Variants in CBFA2T3 observed in about 807,000 individuals in gnomAD.
CBFA2T3 encodes the protein CBFA2/RUNX1 partner transcriptional co-repressor 3.
CBFA2T3 carries 31 observed loss-of-function variants against 58.6 expected under a neutral mutation model. The observed-to-expected ratio is 0.53, with a 90% CI of 0.40 to 0.71. The LOEUF (loss-of-function observed/expected upper bound fraction) is 0.71. Ranked by LOEUF, CBFA2T3 falls within the 30% of genes least tolerant of loss-of-function variation. The pLI, the probability that CBFA2T3 is intolerant of heterozygous loss-of-function variation, is 0.00. For missense variants in CBFA2T3, 1,076 were observed against 963.1 expected, an observed-to-expected ratio of 1.12 and a Z score of -1.55; for synonymous variants, 531 against 421.9, an observed-to-expected ratio of 1.26 and a Z score of -3.17.
At chr16:88,890,372 C>T (rs1239640809) in intron 5 of CBFA2T3, among the ~76,000 whole-genome samples, 2 of 152,220 alleles carry the variant, frequency 1.3e-5, no homozygotes, top group Non-Finnish European at 2.9e-5. Flanking sequence ...AGCATCTGGT[C>T]TGGTCTGTCC....
chr16:88,927,252 G>C lies in CBFA2T3; in HGVS notation c.152-25596C>G, dbSNP rs570717149. Among the ~76,000 whole-genome samples the C allele has an allele frequency of 2.6e-5, 4 of 152,152 alleles. No individual in the cohort carries two copies. In the South Asian group the frequency reaches 6.2e-4, roughly 24 times the overall value. ...GAGATGTCAGCGTCAAGGCCAGGTC[G>C]ACGTGACAAGCCGGGTCCCGCCCTG... On this transcript the variant is annotated intron_variant, in intron 1 of 11. Coordinates refer to ENST00000268679, the MANE Select transcript of CBFA2T3 (RefSeq NM_005187.6).
rs141341986 is a variant in CBFA2T3 at position 88,969,516 on chromosome 16, G to A, written c.151+7141C>T. Among the ~76,000 whole-genome samples the A allele has an allele frequency of 2.9e-3, 437 of 152,328 alleles. 3 individuals are homozygous for A. The highest frequency in any genetic ancestry group is 9.9e-3 in the African/African-American group (411 of 41,588). ...CCCCAGCCTTCAGGAGGGGCTCGCC[G>A]CCACCCCGTTTTACAAACAGGAGAC... On this transcript the variant is annotated intron_variant, in intron 1 of 11. Coordinates refer to ENST00000268679, the MANE Select transcript of CBFA2T3 (RefSeq NM_005187.6).
chr16:88,969,185 G>A (rs756513991), intron 1 of CBFA2T3, among the ~76,000 whole-genome samples: 4 of 152,294 alleles, frequency 2.6e-5, no homozygotes, highest in East Asian at 1.9e-4. Context: ...GGGCTGCAGC[G>A]GACACGGCTG....
chr16:88,928,305 G>A (rs1002056483), intron 1 of CBFA2T3, among the ~76,000 whole-genome samples: 1 of 152,190 alleles, frequency 6.6e-6, no homozygotes, highest in East Asian at 1.9e-4. Flanking sequence ...TTTCGGGGAC[G>A]CTCCCCTACT....
chr16:88,909,333 G>T (rs1051890061), intron 1 of CBFA2T3, among the ~76,000 whole-genome samples: 1 of 152,206 alleles, frequency 6.6e-6, no homozygotes, highest in African/African-American at 2.4e-5. Flanking sequence ...CTCAGGCTCC[G>T]GGCCCTGCAA....
rs1269134909 is a variant in CBFA2T3 at position 88,894,424 on chromosome 16, TACACATGCACACAATGTAC to T, written c.380-1958_380-1940del. Among the ~76,000 whole-genome samples the T allele has an allele frequency of 6.6e-5, 7 of 105,838 alleles. 1 individual carries two copies. Among genetic ancestry groups the T allele is most frequent in the Non-Finnish European group, 1.3e-4 (7 of 54,408 alleles). 69.4% of individuals were successfully genotyped at this position (105,838 alleles called of 152,430 possible). On this transcript the variant is annotated intron_variant, in intron 3 of 11. Coordinates refer to ENST00000268679, the MANE Select transcript of CBFA2T3 (RefSeq NM_005187.6). Reference sequence around the variant, plus strand: ...ACATGCACACACACATGCATACATATACACATGCACACAATGTACACACATGCACGCACACATGCATACA... The same window carrying T: ...ACATGCACACACACATGCATACATATACACATGCACGCACACATGCATACA...
intron 1 of CBFA2T3, among the ~76,000 whole-genome samples, chr16:88,948,562 G>A (rs1384508655): frequency 6.6e-6 from 1 of 152,234 alleles, no homozygotes; most frequent in Non-Finnish European, 1.5e-5. Flanking sequence ...GGGAGTCCGG[G>A]CTCCGGACAG....
intron 1 of CBFA2T3, among the ~76,000 whole-genome samples, chr16:88,919,277 T>C (rs1021142282): frequency 1.3e-5 from 2 of 152,074 alleles, no homozygotes; most frequent in Non-Finnish European, 1.5e-5. Flanking sequence ...GACACAGCAG[T>C]AGGTATAAAA....
intron 1 of CBFA2T3, among the ~76,000 whole-genome samples, chr16:88,947,259 A>C (rs764933283): frequency 6.6e-6 from 1 of 152,264 alleles, no homozygotes; most frequent in Non-Finnish European, 1.5e-5. Context: ...GCTAAAGAAT[A>C]AAATCTATTA....
intron 1 of CBFA2T3, among the ~76,000 whole-genome samples, chr16:88,942,322 G>C (rs990221970): frequency 1.3e-5 from 2 of 152,180 alleles, no homozygotes; most frequent in Non-Finnish European, 2.9e-5. Context: ...AGACACAAGC[G>C]GCTGGGGGGC....
intron 5 of CBFA2T3, among the ~76,000 whole-genome samples, chr16:88,891,425 G>A (rs959323071): frequency 2.0e-5 from 3 of 152,204 alleles, no homozygotes; most frequent in African/African-American, 7.2e-5. Flanking sequence ...GAGAGTGGCT[G>A]TGGACCGAAC....
chr16:88,928,953 C>T (rs904740338), intron 1 of CBFA2T3, among the ~76,000 whole-genome samples: 21 of 152,244 alleles, frequency 1.4e-4, no homozygotes, highest in East Asian at 3.9e-4. Context: ...AGCAGCAAGG[C>T]GGAGCAGAGT....
chr16:88,966,327 C>T (rs1172086617), intron 1 of CBFA2T3, among the ~76,000 whole-genome samples: 1 of 152,230 alleles, frequency 6.6e-6, no homozygotes, highest in Non-Finnish European at 1.5e-5. Flanking sequence ...AGGAGTGAGG[C>T]CTGTGCCGGG....
intron 1 of CBFA2T3, among the ~76,000 whole-genome samples, chr16:88,908,942 A>T (rs990817849): frequency 3.9e-5 from 6 of 152,142 alleles, no homozygotes; most frequent in Non-Finnish European, 8.8e-5. Flanking sequence ...AGGTGGGGAA[A>T]CTGAGGCACG....
chr16:88,910,055 C>T (rs1970479468), intron 1 of CBFA2T3, among the ~76,000 whole-genome samples: 1 of 152,246 alleles, frequency 6.6e-6, no homozygotes, highest in South Asian at 2.1e-4. Flanking sequence ...CGCTTGGTGC[C>T]TGGCTGTCCC....
intron 1 of CBFA2T3, among the ~76,000 whole-genome samples, chr16:88,909,953 C>T (rs1050223763): frequency 5.9e-5 from 9 of 152,328 alleles, no homozygotes; most frequent in African/African-American, 1.7e-4. Flanking sequence ...GGACGAGCCA[C>T]CCTCCAACAC....
chr16:88,879,333 C>G lies in CBFA2T3; in HGVS notation c.1599G>C (p.Glu533Asp). 2 of 1,611,726 alleles carry G rather than the reference C, an allele frequency of 1.2e-6. No individual in the cohort carries two copies. Residue 533 changes from glutamate to aspartate, a missense_variant, in exon 11 of 12, where the codon GAG (glutamate) becomes GAC (aspartate). By Grantham distance (45) the Glu-to-Asp change is conservative. Coordinates refer to ENST00000268679, the MANE Select transcript of CBFA2T3 (RefSeq NM_005187.6). Reference sequence around the variant, plus strand: ...CGTCCTCGGAGGCCTGCCGCTTCGCCTCGGCCAGGGCCCGCTCCATCTTGG... The same window carrying G: ...CGTCCTCGGAGGCCTGCCGCTTCGCGTCGGCCAGGGCCCGCTCCATCTTGG... ...ERAKMERALA[E>D]AKRQASEDAL...
chr16:88,905,423 T>G (rs1970271506), intron 1 of CBFA2T3, among the ~76,000 whole-genome samples: 1 of 152,002 alleles, frequency 6.6e-6, no homozygotes, highest in East Asian at 1.9e-4. Context: ...TCTTCCATCC[T>G]TCCCTGTTCA....
intron 1 of CBFA2T3, among the ~76,000 whole-genome samples, chr16:88,970,481 C>T (rs1972623039): frequency 1.3e-5 from 2 of 152,202 alleles, no homozygotes; most frequent in South Asian, 4.1e-4. Context: ...CCACCCCAGC[C>T]CCGCTGTGTG....
Sources: gnomAD v4.1 joint callset for allele counts (sites outside exome capture counted in the v4.1 genomes callset) on GRCh38, gnomAD v4.1.1 for gene constraint, MANE v1.5 for transcripts, NCBI Gene and HGNC (gene_info 2026-07-23, HGNC 2026-07-21) for gene names.